Variants in UGGT2 observed in about 807,000 individuals in gnomAD.
The protein encoded by UGGT2 is UDP-glucose glycoprotein glucosyltransferase 2.
UGGT2 carries 180 observed loss-of-function variants against 192.1 expected under a neutral mutation model. That is an observed-to-expected ratio of 0.94 (90% CI 0.83 to 1.06). UGGT2 has a LOEUF of 1.06. Among genes scored for constraint, UGGT2 ranks in the 50% least tolerant of loss-of-function variants. The probability of loss-of-function intolerance (pLI) is 0.00; values close to 1 mark genes in which losing one functional copy is unlikely to be tolerated. For synonymous variants in UGGT2, 580 were observed against 591.0 expected (o/e 0.98, Z 0.27); for missense variants, 1,849 against 1,795.7 (o/e 1.03, Z -0.54).
In UGGT2 at chr13:96,013,493, G is replaced by A; in HGVS notation, c.486-12C>T. On this transcript the variant is annotated splice_polypyrimidine_tract_variant and intron_variant, in intron 4 of 38. Transcript: ENST00000376747. ...GATAAGGTCTAGTCCTAAGATAAAA[G>A]CAAAACACAAAGTTTTGAAAAAACT... The A allele has an allele frequency of 1.3e-6, 2 of 1,482,996 alleles. No homozygotes were observed. The highest frequency in any genetic ancestry group is 2.9e-5 in the South Asian group (2 of 68,516). 91.9% of individuals were successfully genotyped at this position (1,482,996 alleles called of 1,614,324 possible). A position where few individuals can be genotyped will look rare whatever the true frequency, so the allele number is the denominator to read the frequency against.
At chr13:95,840,891 G>T (rs149701940) in intron 36 of UGGT2, among the ~76,000 whole-genome samples, 154 of 152,318 alleles carry the variant, frequency 1.0e-3, no homozygotes, top group African/African-American at 3.5e-3. Context: ...ATGAGTTCAT[G>T]TCCTTTGCAG....
chr13:95,907,238 G>A (rs907125877), intron 20 of UGGT2, among the ~76,000 whole-genome samples: 6 of 152,220 alleles, frequency 3.9e-5, no homozygotes, highest in African/African-American at 1.2e-4. Flanking sequence ...GCTTGAGTAC[G>A]TAAACAAAGC....
intron 30 of UGGT2, among the ~76,000 whole-genome samples, chr13:95,866,047 G>A (rs1318746196): frequency 6.6e-6 from 1 of 152,118 alleles, no homozygotes; most frequent in African/African-American, 2.4e-5. Context: ...GTGTGTGTGT[G>A]TGTGTTAATG....
chr13:95,942,221 G>GGTGTGTGTGTGT lies in UGGT2; in HGVS notation c.1678-2142_1678-2131dup, dbSNP rs370041064. Among the ~76,000 whole-genome samples the GGTGTGTGTGTGT allele has an allele frequency of 4.4e-3, 525 of 118,012 alleles. 3 individuals are homozygous for GGTGTGTGTGTGT. Among genetic ancestry groups the GGTGTGTGTGTGT allele is most frequent in the African/African-American group, 9.5e-3 (297 of 31,378 alleles). 77.4% of individuals were successfully genotyped at this position (118,012 alleles called of 152,430 possible). On this transcript the variant is annotated intron_variant, in intron 15 of 38. Transcript: ENST00000376747. Reference sequence around the variant, plus strand: ...GTACAAGAGCTTCTCTTAGGGTGAGGGTGTGTGTGTGTGTGTGTGTGTGTG... The same window carrying GGTGTGTGTGTGT: ...GTACAAGAGCTTCTCTTAGGGTGAGGGTGTGTGTGTGTGTGTGTGTGTGTGTGTGTGTGTGTG...
At chr13:95,854,869 A>C (rs1256907413) in intron 34 of UGGT2, among the ~76,000 whole-genome samples, 1 of 152,084 alleles carries the variant, frequency 6.6e-6, no homozygotes, top group East Asian at 1.9e-4. Context: ...TATATTGGCA[A>C]ATGTTAAGTT....
chr13:95,836,647 G>A (rs988752001), intron 37 of UGGT2, among the ~76,000 whole-genome samples: 1 of 152,146 alleles, frequency 6.6e-6, no homozygotes, highest in Non-Finnish European at 1.5e-5. Context: ...TGGACACTGG[G>A]GTTTCTAATA....
chr13:96,003,298 A>G (rs1056692895), intron 5 of UGGT2, among the ~76,000 whole-genome samples: 1 of 152,178 alleles, frequency 6.6e-6, no homozygotes, highest in Non-Finnish European at 1.5e-5. Flanking sequence ...ATTATCAAAT[A>G]TATAAAACAA....
intron 38 of UGGT2, among the ~76,000 whole-genome samples, chr13:95,804,499 T>C (rs1261983677): frequency 6.6e-6 from 1 of 152,090 alleles, no homozygotes; most frequent in Non-Finnish European, 1.5e-5. Context: ...ATGCCGAAAA[T>C]ATTGTGAAAA....
chr13:95,847,061 CTT>C (rs71113956), intron 36 of UGGT2, among the ~76,000 whole-genome samples: 46 of 97,364 alleles, frequency 4.7e-4, no homozygotes, highest in Admixed American at 7.2e-4. Context: ...CTTTTCTTTT[CTT>C]TTTTTTTTTT....
chr13:95,836,202 C>T (rs1481689057), intron 37 of UGGT2, among the ~76,000 whole-genome samples: 1 of 152,178 alleles, frequency 6.6e-6, no homozygotes, highest in African/African-American at 2.4e-5. Context: ...GCATGTGCCA[C>T]CACGCCCAGC....
intron 20 of UGGT2, among the ~76,000 whole-genome samples, chr13:95,913,074 T>C (rs1386808812): frequency 6.6e-6 from 1 of 152,176 alleles, no homozygotes; most frequent in Non-Finnish European, 1.5e-5. Context: ...TTACACCTTA[T>C]ACAAAAATTA....
intron 36 of UGGT2, among the ~76,000 whole-genome samples, chr13:95,844,775 C>T (rs1888222187): frequency 6.6e-6 from 1 of 152,030 alleles, no homozygotes; most frequent in African/African-American, 2.4e-5. Context: ...ATCTGGATGC[C>T]TTTTATTTTT....
intron 27 of UGGT2, among the ~76,000 whole-genome samples, chr13:95,878,294 A>T (rs915400280): frequency 6.6e-6 from 1 of 152,178 alleles, no homozygotes; most frequent in Non-Finnish European, 1.5e-5. Context: ...ATATATTTTT[A>T]AAGTTAATTT....
intron 25 of UGGT2, among the ~76,000 whole-genome samples, chr13:95,888,774 G>T (rs901330175): frequency 3.3e-5 from 5 of 151,710 alleles, no homozygotes; most frequent in African/African-American, 1.2e-4. Context: ...ACCAATGATG[G>T]AAACTGGAAT....
intron 34 of UGGT2, 105 bp downstream of exon 34, chr13:95,856,053 C>A (rs558007317): frequency 2.1e-6 from 2 of 947,726 alleles, no homozygotes; most frequent in Admixed American, 3.2e-5. Flanking sequence ...TCTTAAGCAC[C>A]GTAATGAAGA....
At chr13:95,942,765 A>G (rs1324977350) in intron 15 of UGGT2, among the ~76,000 whole-genome samples, 1 of 152,126 alleles carries the variant, frequency 6.6e-6, no homozygotes, top group South Asian at 2.1e-4. Flanking sequence ...TTTTTTAATG[A>G]CATATTTTAA....
chr13:95,951,434 A>C (rs1012629283), intron 12 of UGGT2, among the ~76,000 whole-genome samples: 8 of 152,220 alleles, frequency 5.3e-5, no homozygotes, highest in Non-Finnish European at 1.2e-4. Flanking sequence ...CAAAGGGGAA[A>C]CAGGCCTTAT....
At chr13:95,978,297 G>A (rs981583382) in intron 10 of UGGT2, among the ~76,000 whole-genome samples, 1 of 152,118 alleles carries the variant, frequency 6.6e-6, no homozygotes, top group Non-Finnish European at 1.5e-5. Flanking sequence ...ATTAGTGATG[G>A]TGAGCATCAC....
In UGGT2 at chr13:95,859,681, T is replaced by C. The variant is rs1139934; in HGVS notation, c.3741-6A>G. 1 of 1,598,652 alleles carries C rather than the reference T, an allele frequency of 6.3e-7. No homozygotes were observed. Among genetic ancestry groups the C allele is most frequent in the East Asian group, 2.2e-5 (1 of 44,516 alleles). On this transcript the variant is annotated splice_polypyrimidine_tract_variant and splice_region_variant and intron_variant, in intron 32 of 38. Transcript: ENST00000376747. ...AAACAGAAAGCATCATAATTCTGTATAAAAGAATATTAAACCCAATATACA... is the reference window on the plus strand; with the variant it reads ...AAACAGAAAGCATCATAATTCTGTACAAAAGAATATTAAACCCAATATACA...
Sources: allele counts gnomAD v4.1 joint callset (sites outside exome capture counted in the v4.1 genomes callset), GRCh38; gene constraint gnomAD v4.1.1; transcripts MANE v1.5; gene names NCBI Gene and HGNC (gene_info 2026-07-23, HGNC 2026-07-21).